The following MSRA variants were observed in gnomAD, a reference collection of about 807,000 sequenced individuals.
MSRA encodes mitochondrial peptide methionine sulfoxide reductase.
Under a neutral mutation model 31.3 loss-of-function variants are expected in MSRA, and 54 were observed. That is an observed-to-expected ratio of 1.73 (90% CI 1.39 to 2.17). MSRA has a LOEUF of 2.17. MSRA is among the 30% of genes most tolerant of loss of function. The probability of loss-of-function intolerance (pLI) is 0.00; values close to 1 mark genes in which losing one functional copy is unlikely to be tolerated. For synonymous variants in MSRA, 169 were observed against 116.5 expected (o/e 1.45, Z -2.90); for missense variants, 507 against 300.9 (o/e 1.69, Z -5.07).
intron 1 of MSRA, among the ~76,000 whole-genome samples, chr8:10,112,453 C>G (rs1800360778): frequency 6.6e-6 from 1 of 152,182 alleles, no homozygotes; most frequent in African/African-American, 2.4e-5. Flanking sequence ...TTAAAAATGC[C>G]TGCCACAGTC....
intron 1 of MSRA, among the ~76,000 whole-genome samples, chr8:10,157,059 C>T (rs149021444): frequency 3.6e-4 from 54 of 151,828 alleles, no homozygotes; most frequent in Middle Eastern, 3.4e-3. Flanking sequence ...TGCAAGGCCG[C>T]GTGGTGAATA....
chr8:10,322,887 C>T lies in MSRA; in HGVS notation c.543+2898C>T, dbSNP rs147710658. Among the ~76,000 whole-genome samples, 29 of 152,114 alleles carry T rather than the reference C, an allele frequency of 1.9e-4. No individual in the cohort carries two copies. The South Asian group carries it at 5.8e-3, about 31-fold the overall frequency. ...TGGGCGGATCATGAGGTCAGGACTTCGAGACCAGCCTGACTAACATGGTGA... is the reference window on the plus strand; with the variant it reads ...TGGGCGGATCATGAGGTCAGGACTTTGAGACCAGCCTGACTAACATGGTGA... On this transcript the variant is annotated intron_variant, in intron 5 of 5. Coordinates refer to ENST00000317173, the MANE Select transcript of MSRA (RefSeq NM_012331.5).
At chr8:10,301,175 T>A (rs1004162526) in intron 3 of MSRA, among the ~76,000 whole-genome samples, 4 of 152,210 alleles carry the variant, frequency 2.6e-5, no homozygotes, top group Non-Finnish European at 5.9e-5. Flanking sequence ...ATTGGCTCTT[T>A]CCCTTTGCAG....
chr8:10,166,910 C>T (rs1384185509), intron 1 of MSRA, among the ~76,000 whole-genome samples: 2 of 152,162 alleles, frequency 1.3e-5, no homozygotes, highest in Non-Finnish European at 2.9e-5. Context: ...AGGCCCTCTG[C>T]TCGGGAGCCA....
intron 3 of MSRA, among the ~76,000 whole-genome samples, chr8:10,283,605 CCT>C (rs1029895117): frequency 1.3e-4 from 20 of 151,322 alleles, no homozygotes; most frequent in South Asian, 2.1e-4. Flanking sequence ...CCTCTTTCCC[CCT>C]GAGTCCCCAA....
chr8:10,195,327 G>A (rs1807875627), intron 1 of MSRA, among the ~76,000 whole-genome samples: 4 of 152,148 alleles, frequency 2.6e-5, no homozygotes, highest in Admixed American at 2.6e-4. Context: ...TGCAATCTCT[G>A]CCTCCCGGGT....
chr8:10,216,907 T>C (rs887318972), intron 2 of MSRA, among the ~76,000 whole-genome samples: 1 of 152,236 alleles, frequency 6.6e-6, no homozygotes, highest in Non-Finnish European at 1.5e-5. Context: ...TTCCATTCTT[T>C]TGGGTGTATA....
At chr8:10,140,275 A>G (rs1477909098) in intron 1 of MSRA, among the ~76,000 whole-genome samples, 1 of 152,218 alleles carries the variant, frequency 6.6e-6, no homozygotes, top group African/African-American at 2.4e-5. Context: ...CACTTCACCA[A>G]TGAGAATCTT....
intron 5 of MSRA, among the ~76,000 whole-genome samples, chr8:10,418,760 A>G (rs1808628589): frequency 7.1e-6 from 1 of 141,104 alleles, no homozygotes; most frequent in African/African-American, 2.6e-5. Flanking sequence ...ACTTAACTGT[A>G]CACTTAAAAA....
intron 5 of MSRA, among the ~76,000 whole-genome samples, chr8:10,331,039 G>A (rs1461761931): frequency 6.6e-6 from 1 of 152,142 alleles, no homozygotes. Flanking sequence ...GCACTCTATT[G>A]CTGTGTTTCT....
At chr8:10,151,261 C>CAAAAAA (rs34388218) in intron 1 of MSRA, among the ~76,000 whole-genome samples, 2 of 109,144 alleles carry the variant, frequency 1.8e-5, no homozygotes, top group Non-Finnish European at 4.0e-5. Flanking sequence ...GAGTCTGTCT[C>CAAAAAA]AAAAAAAAAA....
chr8:10,198,166 GA>G (rs34670632), intron 1 of MSRA, among the ~76,000 whole-genome samples: 1 of 151,894 alleles, frequency 6.6e-6, no homozygotes, highest in Non-Finnish European at 1.5e-5. Context: ...ATTTGCTTAA[GA>G]AAAATTTGGG....
intron 5 of MSRA, among the ~76,000 whole-genome samples, chr8:10,374,315 A>G (rs1012799568): frequency 2.0e-5 from 3 of 152,134 alleles, no homozygotes; most frequent in African/African-American, 4.8e-5. Flanking sequence ...GTGGTATTGG[A>G]TGGGTTGGCT....
chr8:10,161,154 C>T (rs947120925), intron 1 of MSRA, among the ~76,000 whole-genome samples: 5 of 152,166 alleles, frequency 3.3e-5, no homozygotes, highest in African/African-American at 1.2e-4. Flanking sequence ...AACATCAGCT[C>T]TGTGGTATAA....
intron 5 of MSRA, among the ~76,000 whole-genome samples, chr8:10,328,619 C>G (rs772192231): frequency 2.6e-5 from 4 of 152,252 alleles, no homozygotes; most frequent in Middle Eastern, 3.4e-3. Context: ...GAAATCTGAA[C>G]TCCTTCGCAT....
chr8:10,272,349 C>T (rs761540997), intron 3 of MSRA, among the ~76,000 whole-genome samples: 7 of 152,132 alleles, frequency 4.6e-5, no homozygotes, highest in Non-Finnish European at 1.0e-4. Context: ...GGCATAGTTC[C>T]AGTCCAAATG....
intron 3 of MSRA, among the ~76,000 whole-genome samples, chr8:10,292,984 G>C (rs545103421): frequency 4.6e-5 from 7 of 152,338 alleles, no homozygotes; most frequent in Non-Finnish European, 1.0e-4. Context: ...GAGATGACAG[G>C]TGTGGAGAAG....
At chr8:10,344,314 C>A (rs555545880) in intron 5 of MSRA, among the ~76,000 whole-genome samples, 80 of 152,238 alleles carry the variant, frequency 5.3e-4, no homozygotes, top group African/African-American at 1.9e-3. Context: ...CCTCCACCAT[C>A]AGGCAATCAA....
At chr8:10,161,134 T>C (rs751192045) in intron 1 of MSRA, among the ~76,000 whole-genome samples, 1 of 152,224 alleles carries the variant, frequency 6.6e-6, no homozygotes, top group East Asian at 1.9e-4. Flanking sequence ...TCTGTGTGAA[T>C]TCTAATGAAA....
Sources: allele counts gnomAD v4.1 joint callset (sites outside exome capture counted in the v4.1 genomes callset), GRCh38; gene constraint gnomAD v4.1.1; transcripts MANE v1.5; gene names NCBI Gene and HGNC (gene_info 2026-07-23, HGNC 2026-07-21).